EXOC6B: variants seen among roughly 807,000 people sequenced by gnomAD.
The protein encoded by EXOC6B is SEC15 homolog B.
A neutral mutation model predicts 113.5 loss-of-function variants in EXOC6B; 54 were observed. The ratio of observed to expected loss-of-function variants is 0.48; its 90% confidence interval spans 0.38 to 0.60. EXOC6B has a LOEUF of 0.60. EXOC6B is among the 20% of genes least tolerant of loss of function. EXOC6B has a pLI of 0.00. For synonymous variants in EXOC6B, 357 were observed against 339.0 expected, an observed-to-expected ratio of 1.05 and a Z score of -0.58; for missense variants, 797 against 977.5, an observed-to-expected ratio of 0.82 and a Z score of 2.46.
At chr2:72,541,063 G>A (rs780221460) in intron 8 of EXOC6B, among the ~76,000 whole-genome samples, 28 of 152,150 alleles carry the variant, frequency 1.8e-4, no homozygotes, top group Non-Finnish European at 3.2e-4. Flanking sequence ...CACCTTTTGT[G>A]GGAGGGACCC....
At chr2:72,200,214 T>C (rs1226881574) in intron 20 of EXOC6B, among the ~76,000 whole-genome samples, 1 of 152,070 alleles carries the variant, frequency 6.6e-6, no homozygotes, top group Non-Finnish European at 1.5e-5. Flanking sequence ...TTTTTAGACT[T>C]CTGAAATAGA....
chr2:72,300,945 G>C (rs1353270232), intron 20 of EXOC6B, among the ~76,000 whole-genome samples: 1 of 152,150 alleles, frequency 6.6e-6, no homozygotes, highest in Non-Finnish European at 1.5e-5. Context: ...AATCTCGCTG[G>C]GAGGTGCAGG....
chr2:72,498,610 T>C (rs867892690), intron 12 of EXOC6B, 59 bp from the exon 13 acceptor site: 2 of 1,213,130 alleles, frequency 1.6e-6, no homozygotes, highest in East Asian at 2.5e-5. Flanking sequence ...TTTTCGGTTT[T>C]TTTTTTTTTT....
chr2:72,685,009 A>G (rs1033822831), intron 6 of EXOC6B, among the ~76,000 whole-genome samples: 2 of 152,142 alleles, frequency 1.3e-5, no homozygotes, highest in Non-Finnish European at 2.9e-5. Flanking sequence ...TCAAATATTG[A>G]CCTCTAACTA....
At chr2:72,458,639 G>A (rs1057451158) in intron 18 of EXOC6B, among the ~76,000 whole-genome samples, 6 of 151,958 alleles carry the variant, frequency 3.9e-5, no homozygotes, top group African/African-American at 1.2e-4. Flanking sequence ...ACGTTTTATA[G>A]TATTTAGGTA....
intron 18 of EXOC6B, chr2:72,462,750 G>T (rs1697779926): frequency 6.6e-6 from 1 of 152,028 alleles, no homozygotes; most frequent in Admixed American, 6.6e-5. Flanking sequence ...TGTTATGGGA[G>T]CAGGAATGGA....
chr2:72,491,913 A>G (rs1323964409), intron 16 of EXOC6B, among the ~76,000 whole-genome samples: 1 of 152,182 alleles, frequency 6.6e-6, no homozygotes, highest in Non-Finnish European at 1.5e-5. Context: ...TGATTGCATT[A>G]TCCTAGGTAT....
intron 6 of EXOC6B, among the ~76,000 whole-genome samples, chr2:72,680,702 G>A (rs1676637010): frequency 6.6e-6 from 1 of 151,470 alleles, no homozygotes; most frequent in African/African-American, 2.4e-5. Context: ...TCTTGCGACT[G>A]CACTACGGCG....
At chr2:72,370,560 C>T (rs1032955387) in intron 19 of EXOC6B, among the ~76,000 whole-genome samples, 1 of 152,140 alleles carries the variant, frequency 6.6e-6, no homozygotes, top group Non-Finnish European at 1.5e-5. Flanking sequence ...GACACATGCA[C>T]ATGTATGTTT....
intron 6 of EXOC6B, among the ~76,000 whole-genome samples, chr2:72,631,855 G>A (rs1672494612): frequency 6.6e-6 from 1 of 151,964 alleles, no homozygotes; most frequent in Non-Finnish European, 1.5e-5. Flanking sequence ...AAAAGAAAAT[G>A]CACAAACACA....
chr2:72,419,465 T>G (rs1694732749), intron 18 of EXOC6B, among the ~76,000 whole-genome samples: 1 of 152,220 alleles, frequency 6.6e-6, no homozygotes. Context: ...TGACATTCAT[T>G]AAGATTTCTT....
chr2:72,436,192 A>G (rs140433777), intron 18 of EXOC6B, among the ~76,000 whole-genome samples: 1,730 of 152,264 alleles, frequency 0.011, 52 homozygotes, highest in African/African-American at 0.04. Context: ...TCTGGATTGA[A>G]AATTCTTTTC....
chr2:72,504,986 A>G lies in EXOC6B; in HGVS notation c.1168-5014T>C, dbSNP rs151332074. Among the ~76,000 whole-genome samples the G allele has an allele frequency of 5.3e-3, 814 of 152,230 alleles. 8 individuals carry two copies. Among genetic ancestry groups the G allele is most frequent in the African/African-American group, 0.019 (778 of 41,542 alleles). ...TGTAATGATTTGGTAGGAATTCTTC[A>G]TATATTCCAAATTAGTTCGTGCTGT... is the stretch of plus-strand genomic sequence containing the variant. On this transcript the variant is annotated intron_variant, in intron 11 of 21. Transcript: ENST00000272427.
chr2:72,536,223 G>A (rs539372162), intron 8 of EXOC6B, among the ~76,000 whole-genome samples: 60 of 151,982 alleles, frequency 3.9e-4, no homozygotes, highest in African/African-American at 1.3e-3. Context: ...TATAAGATAC[G>A]TCATTCAAGT....
intron 1 of EXOC6B, among the ~76,000 whole-genome samples, chr2:72,810,293 T>G (rs1228925736): frequency 2.0e-5 from 3 of 151,606 alleles, no homozygotes; most frequent in Non-Finnish European, 2.9e-5. Flanking sequence ...GACACGATGA[T>G]TCTTTGAGCC....
intron 6 of EXOC6B, among the ~76,000 whole-genome samples, chr2:72,590,903 A>G (rs1705906365): frequency 6.6e-6 from 1 of 151,988 alleles, no homozygotes; most frequent in Admixed American, 6.6e-5. Flanking sequence ...GTTGATCCCA[A>G]TTTCTTACAA....
chr2:72,622,072 G>C (rs552606793), intron 6 of EXOC6B, among the ~76,000 whole-genome samples: 34 of 151,462 alleles, frequency 2.2e-4, no homozygotes, highest in African/African-American at 7.0e-4. Flanking sequence ...AAATTATATT[G>C]GTATAGAAAA....
chr2:72,409,892 T>C (rs933204986), intron 18 of EXOC6B, among the ~76,000 whole-genome samples: 51 of 151,906 alleles, frequency 3.4e-4, no homozygotes, highest in African/African-American at 1.1e-3. Flanking sequence ...TGTATACCAA[T>C]AAAAAAAACT....
chr2:72,271,940 C>T (rs767563202), intron 20 of EXOC6B, among the ~76,000 whole-genome samples: 11 of 152,086 alleles, frequency 7.2e-5, no homozygotes, highest in African/African-American at 1.4e-4. Context: ...TCCATTTGGC[C>T]GTTTTTGCTT....
Sources: gnomAD v4.1 joint callset for allele counts (sites outside exome capture counted in the v4.1 genomes callset) on GRCh38, gnomAD v4.1.1 for gene constraint, MANE v1.5 for transcripts, NCBI Gene and HGNC (gene_info 2026-07-23, HGNC 2026-07-21) for gene names.